The following NEBL variants were observed in gnomAD, a reference collection of about 807,000 sequenced individuals.
NEBL encodes LIM and SH3 protein 2.
A neutral mutation model predicts 140.2 loss-of-function variants in NEBL; 122 were observed. That is an observed-to-expected ratio of 0.87 (90% CI 0.75 to 1.01). The LOEUF is 1.01. Ranked by LOEUF, NEBL falls within the 50% of genes least tolerant of loss-of-function variation. NEBL has a pLI of 0.00. For missense variants in NEBL, 1,365 were observed against 1,231.3 expected (o/e 1.11, Z -1.62); for synonymous variants, 436 against 398.9 (o/e 1.09, Z -1.11).
chr10:21,213,483 G>A (rs1841947104), intron 3 of NEBL, among the ~76,000 whole-genome samples: 1 of 152,186 alleles, frequency 6.6e-6, no homozygotes, highest in Non-Finnish European at 1.5e-5. Flanking sequence ...AACACTGTCT[G>A]AATGCCTCCT....
intron 26 of NEBL, among the ~76,000 whole-genome samples, chr10:20,795,270 G>C (rs1836397594): frequency 6.6e-6 from 1 of 152,116 alleles, no homozygotes; most frequent in Non-Finnish European, 1.5e-5. Flanking sequence ...GAGTTTAAAT[G>C]CACAGGATAT....
In NEBL at chr10:21,173,689, A is replaced by G. The variant is rs545130810; in HGVS notation, c.69+76T>C. ...CGACCCACTCATTGCTTTCCATCCC[A>G]GGTGCCAAAACTTCTCGAAGCAGGT... is the stretch of plus-strand genomic sequence containing the variant. On this transcript the variant is annotated intron_variant, in intron 1 of 6. Coordinates refer to the NEBL transcript ENST00000417816. This position sits in a 1 kb window ranked among gnomAD's most constrained non-coding sequence, Gnocchi z 5.7. 4 of 1,605,518 alleles carry G rather than the reference A, an allele frequency of 2.5e-6. No homozygotes were observed. The East Asian group carries it at 6.7e-5, about 27-fold the overall frequency.
chr10:20,814,125 A>T, intron 22 of NEBL, 82 bp from the exon 23 acceptor site: 1 of 845,942 alleles, frequency 1.2e-6, no homozygotes, highest in South Asian at 1.4e-5. Context: ...TGAGTGAAAC[A>T]TATGCAACAT....
intron 24 of NEBL, 52 bp from the exon 25 acceptor site, chr10:20,809,950 G>GAAA (rs200571909): frequency 0.013 from 8,811 of 678,512 alleles, 13 homozygotes; most frequent in South Asian, 0.022. Flanking sequence ...TTTAAAAAAG[G>GAAA]AAAAAAAAAA....
At chr10:20,878,537 T>C (rs1845724679) in intron 5 of NEBL, among the ~76,000 whole-genome samples, 1 of 152,182 alleles carries the variant, frequency 6.6e-6, no homozygotes, top group South Asian at 2.1e-4. Context: ...ATCCACCCAC[T>C]GAACCAAGAG....
chr10:21,250,636 C>T (rs1172827728), intron 2 of NEBL, among the ~76,000 whole-genome samples: 2 of 152,080 alleles, frequency 1.3e-5, no homozygotes, highest in Admixed American at 6.6e-5. Flanking sequence ...CCTGGCCGGG[C>T]TCGGTGGTTC....
chr10:20,820,198 G>A (rs557233808), intron 19 of NEBL, among the ~76,000 whole-genome samples: 14 of 152,198 alleles, frequency 9.2e-5, no homozygotes, highest in African/African-American at 2.4e-4. Context: ...TCTCTATGCC[G>A]TTCTAACATT....
chr10:20,824,458 C>G (rs541311995), intron 18 of NEBL, among the ~76,000 whole-genome samples: 1 of 152,132 alleles, frequency 6.6e-6, no homozygotes, highest in Admixed American at 6.6e-5. Flanking sequence ...CTGAGACAGG[C>G]TACCTCTAAA....
At chr10:21,041,320 T>C (rs1281386476) in intron 2 of NEBL, among the ~76,000 whole-genome samples, 2 of 152,154 alleles carry the variant, frequency 1.3e-5, no homozygotes, top group African/African-American at 4.8e-5. Context: ...GGTTTTCTGT[T>C]CCAGCTTCAT....
intron 2 of NEBL, among the ~76,000 whole-genome samples, chr10:21,061,694 T>C (rs1387581059): frequency 6.6e-6 from 1 of 152,036 alleles, no homozygotes; most frequent in Admixed American, 6.6e-5. Flanking sequence ...AAAAGAAGCA[T>C]GCTAATAAGT....
chr10:20,872,923 C>A (rs1446764536), intron 5 of NEBL, among the ~76,000 whole-genome samples: 1 of 152,202 alleles, frequency 6.6e-6, no homozygotes, highest in East Asian at 1.9e-4. Context: ...CAACCAGCAG[C>A]CTTCGGGGCT....
In NEBL at chr10:20,828,391, T is replaced by A. The variant is rs1840089614; in HGVS notation, c.1776+139A>T. 5.0e-6 allele frequency: 3 copies of A among 598,532 alleles called. No homozygotes were observed. In the South Asian group the frequency reaches 6.4e-5, roughly 13 times the overall value. 37.1% of individuals were successfully genotyped at this position (598,532 alleles called of 1,614,324 possible). A position where few individuals can be genotyped will look rare whatever the true frequency, so the allele number is the denominator to read the frequency against. ...GTAAAAATTATCAGTATTCTTATTA[T>A]TTTAAAGAAATAAAGATAATACACT... On this transcript the variant is annotated intron_variant, in intron 17 of 27. Transcript: ENST00000377122.
At chr10:21,150,080 G>C (rs1239193056) in intron 2 of NEBL, among the ~76,000 whole-genome samples, 1 of 152,026 alleles carries the variant, frequency 6.6e-6, no homozygotes, top group African/African-American at 2.4e-5. Context: ...CTAAATAAAG[G>C]CTCCCATTGC....
chr10:20,842,671 T>C (rs1490177954), intron 12 of NEBL, among the ~76,000 whole-genome samples: 5 of 152,108 alleles, frequency 3.3e-5, no homozygotes, highest in Non-Finnish European at 5.9e-5. Context: ...GAATACAATG[T>C]GGAATAATTA....
intron 2 of NEBL, among the ~76,000 whole-genome samples, chr10:21,148,510 G>A (rs960055600): frequency 8.5e-5 from 13 of 152,096 alleles, no homozygotes; most frequent in South Asian, 2.1e-4. Context: ...TTTTGTTGTC[G>A]TTGTTGTTTT....
intron 1 of NEBL, among the ~76,000 whole-genome samples, chr10:21,276,480 GC>G (rs1395309305): frequency 2.0e-5 from 3 of 152,194 alleles, no homozygotes; most frequent in East Asian, 1.9e-4. Flanking sequence ...CCTCACAGAA[GC>G]CTCTTCTCAC....
intron 1 of NEBL, among the ~76,000 whole-genome samples, chr10:21,266,984 T>C (rs1001149438): frequency 1.3e-5 from 2 of 151,942 alleles, no homozygotes; most frequent in African/African-American, 4.8e-5. Context: ...TTTTGTTTTT[T>C]GTTTTTTTCA....
chr10:21,196,875 T>C (rs1329613668), intron 3 of NEBL, among the ~76,000 whole-genome samples: 1 of 152,234 alleles, frequency 6.6e-6, no homozygotes, highest in African/African-American at 2.4e-5. Context: ...TGCTCTAAAC[T>C]TTTTCTGTAT....
At chr10:21,004,534 C>T (rs1294083337) in intron 3 of NEBL, among the ~76,000 whole-genome samples, 2 of 152,116 alleles carry the variant, frequency 1.3e-5, no homozygotes, top group Non-Finnish European at 2.9e-5. Context: ...CCCTGGCTAA[C>T]ACAGTGAAAC....
Sources: gnomAD v4.1 joint callset for allele counts (sites outside exome capture counted in the v4.1 genomes callset) on GRCh38, gnomAD v4.1.1 for gene constraint, Gnocchi (gnomAD v3.1) non-coding constraint, MANE v1.5 for transcripts, NCBI Gene and HGNC (gene_info 2026-07-23, HGNC 2026-07-21) for gene names.